Variants in RGS7 observed in about 807,000 individuals in gnomAD.
The protein encoded by RGS7 is regulator of G-protein signaling 7.
RGS7 carries 27 observed loss-of-function variants against 81.1 expected under a neutral mutation model. The ratio of observed to expected loss-of-function variants is 0.33; its 90% CI spans 0.25 to 0.46. The LOEUF (loss-of-function observed/expected upper bound fraction) is 0.46, where lower values mean the gene tolerates loss of function less well. Among genes scored for constraint, RGS7 ranks in the 20% least tolerant of loss-of-function variants. The pLI is 1.00. For synonymous variants in RGS7, 208 were observed against 207.7 expected, an observed-to-expected ratio of 1.00 and a Z score of -0.01; for missense variants, 396 against 607.4, an observed-to-expected ratio of 0.65 and a Z score of 3.66.
chr1:241,336,397 T>C (rs1407791557), intron 2 of RGS7, among the ~76,000 whole-genome samples: 1 of 152,140 alleles, frequency 6.6e-6, no homozygotes, highest in Non-Finnish European at 1.5e-5. Context: ...AATCATAGGA[T>C]GTATGTGAAA....
intron 3 of RGS7, among the ~76,000 whole-genome samples, chr1:241,096,144 G>A (rs901038918): frequency 6.6e-6 from 1 of 152,104 alleles, no homozygotes; most frequent in Admixed American, 6.5e-5. Flanking sequence ...TAAAGTCAGC[G>A]GATTCCTTGT....
In RGS7 at chr1:240,868,931, G is replaced by A; in HGVS notation, c.451-79C>T. 7.7e-7 allele frequency: 1 copy of A among 1,300,756 alleles called. No homozygotes were observed. Among genetic ancestry groups the A allele is most frequent in the Middle Eastern group, 1.8e-4 (1 of 5,418 alleles). 80.6% of individuals were successfully genotyped at this position (1,300,756 alleles called of 1,614,324 possible). On this transcript the variant is annotated intron_variant, in intron 7 of 18. Transcript: ENST00000440928. The surrounding 1 kb of genome is among the most constrained non-coding windows in gnomAD (Gnocchi z 5.1). ...TCTAGCTTAGTTACCACTTGTATTTGTCAAGGAAACAAATAGAGAGTTTCT... is the reference window on the plus strand; with the variant it reads ...TCTAGCTTAGTTACCACTTGTATTTATCAAGGAAACAAATAGAGAGTTTCT...
chr1:240,966,293 A>T (rs561392823), intron 4 of RGS7, among the ~76,000 whole-genome samples: 2 of 152,234 alleles, frequency 1.3e-5, no homozygotes, highest in East Asian at 3.9e-4. Context: ...TTTTTGAAAA[A>T]CTTAGGAAAA....
chr1:240,947,459 G>A (rs144080501), intron 4 of RGS7, among the ~76,000 whole-genome samples: 2,866 of 152,224 alleles, frequency 0.019, 50 homozygotes, highest in African/African-American at 0.038. Flanking sequence ...TCTCACCTGA[G>A]TTAATATCAG....
chr1:240,806,344 T>C lies in RGS7; in HGVS notation c.1083-18A>G. The C allele has an allele frequency of 6.2e-7, 1 of 1,613,074 alleles. No individual in the cohort carries two copies. On this transcript the variant is annotated intron_variant, in intron 14 of 18. Transcript: ENST00000440928. ...GCCAGAATCTATGCAGAATGTGAGA[T>C]CGGGTGTTTACTCTGATGGCCCATC...
At chr1:240,983,825 G>A (rs1194043022) in intron 3 of RGS7, among the ~76,000 whole-genome samples, 1 of 152,194 alleles carries the variant, frequency 6.6e-6, no homozygotes, top group Non-Finnish European at 1.5e-5. Context: ...CCTTGAAGCA[G>A]GGTGTCATAT....
intron 2 of RGS7, among the ~76,000 whole-genome samples, chr1:241,113,081 A>G (rs563966075): frequency 8.5e-5 from 13 of 152,290 alleles, no homozygotes; most frequent in African/African-American, 3.1e-4. Flanking sequence ...TCCCAAGGCA[A>G]AGTAGGTCCA....
At chr1:241,019,894 T>G (rs1248390760) in intron 3 of RGS7, among the ~76,000 whole-genome samples, 2 of 152,204 alleles carry the variant, frequency 1.3e-5, no homozygotes, top group African/African-American at 2.4e-5. Context: ...CTCTGATGGG[T>G]AGAAGAAAAG....
chr1:240,974,692 T>C (rs1231078239), intron 4 of RGS7, among the ~76,000 whole-genome samples: 1 of 152,260 alleles, frequency 6.6e-6, no homozygotes. Flanking sequence ...GGCTGAATTA[T>C]GGAAGAAAGG....
chr1:240,947,955 C>T (rs1358723957), intron 4 of RGS7, among the ~76,000 whole-genome samples: 2 of 152,132 alleles, frequency 1.3e-5, no homozygotes, highest in Admixed American at 1.3e-4. Flanking sequence ...ATGCGCAGGC[C>T]TTAGGCTTTG....
intron 2 of RGS7, among the ~76,000 whole-genome samples, chr1:241,229,642 C>A (rs1168833184): frequency 6.6e-6 from 1 of 152,146 alleles, no homozygotes; most frequent in Admixed American, 6.5e-5. Flanking sequence ...TTTTTTCTAA[C>A]GGTGTAGTAG....
intron 2 of RGS7, among the ~76,000 whole-genome samples, chr1:241,295,290 A>G (rs929377687): frequency 6.6e-6 from 1 of 151,552 alleles, no homozygotes; most frequent in Non-Finnish European, 1.5e-5. Flanking sequence ...CTACTAAAAA[A>G]AAAAATACAA....
chr1:241,183,403 C>A (rs1479764247), intron 2 of RGS7, among the ~76,000 whole-genome samples: 2 of 152,136 alleles, frequency 1.3e-5, no homozygotes, highest in Non-Finnish European at 2.9e-5. Context: ...TCTGGCCTGG[C>A]CCATACTATT....
At chr1:241,225,408 G>C (rs984186345) in intron 2 of RGS7, among the ~76,000 whole-genome samples, 59 of 152,174 alleles carry the variant, frequency 3.9e-4, no homozygotes, top group African/African-American at 1.3e-3. Context: ...GATAGCATAA[G>C]AGCTTTAAAC....
chr1:240,942,573 A>G (rs1288864407), intron 4 of RGS7, among the ~76,000 whole-genome samples: 1 of 152,182 alleles, frequency 6.6e-6, no homozygotes, highest in African/African-American at 2.4e-5. Flanking sequence ...ACACAGTATA[A>G]GTATCAGTAG....
intron 2 of RGS7, among the ~76,000 whole-genome samples, chr1:241,192,099 T>C (rs879465301): frequency 7.2e-5 from 11 of 151,898 alleles, no homozygotes; most frequent in Non-Finnish European, 1.6e-4. Context: ...AAGGTTATTA[T>C]CTAAAAGCTC....
rs1054309603 is a variant in RGS7 at position 240,990,721 on chromosome 1, C to T, written c.176-7592G>A. On this transcript the variant is annotated intron_variant, in intron 3 of 18. Transcript: ENST00000440928. The stretch of plus-strand genomic sequence containing the variant: ...TGGATCAAACTTATGATATAAAGCC[C>T]TTCTTCCAATATTCCATAGCTAATA... Among the ~76,000 whole-genome samples the T allele has an allele frequency of 3.0e-4, 45 of 152,202 alleles. 1 individual carries two copies. The highest frequency in any genetic ancestry group is 6.0e-4 in the Non-Finnish European group (41 of 68,046).
intron 6 of RGS7, among the ~76,000 whole-genome samples, chr1:240,916,149 A>T (rs1672574774): frequency 6.6e-6 from 1 of 150,800 alleles, no homozygotes; most frequent in Admixed American, 6.6e-5. Context: ...ATGGTGGCTC[A>T]TGCTTGTAAT....
intron 3 of RGS7, among the ~76,000 whole-genome samples, chr1:241,072,357 C>CA (rs1558675900): frequency 6.6e-6 from 1 of 152,162 alleles, no homozygotes; most frequent in East Asian, 1.9e-4. Context: ...TGGAACATGG[C>CA]ATGATGAGCA....
Sources: gnomAD v4.1 joint callset for allele counts (sites outside exome capture counted in the v4.1 genomes callset) on GRCh38, gnomAD v4.1.1 for gene constraint, Gnocchi (gnomAD v3.1) non-coding constraint, MANE v1.5 for transcripts, NCBI Gene and HGNC (gene_info 2026-07-23, HGNC 2026-07-21) for gene names.